ANK2: variants seen among roughly 807,000 people sequenced by gnomAD.
ANK2 encodes ankyrin 2.
ANK2 carries 83 observed loss-of-function variants against 360.5 expected under a neutral mutation model. The observed-to-expected ratio is 0.23, with a 90% CI of 0.19 to 0.28. The LOEUF is 0.28. ANK2 is among the 10% of genes least tolerant of loss of function. The pLI is 1.00. For missense variants in ANK2, 4,201 were observed against 4,795.7 expected, an observed-to-expected ratio of 0.88 and a Z score of 3.66; for synonymous variants, 1,740 against 1,759.5, an observed-to-expected ratio of 0.99 and a Z score of 0.28.
At chr4:113,278,593 G>T (rs758228330) in intron 17 of ANK2, 35 bp downstream of exon 17, 2 of 1,582,776 alleles carry the variant, frequency 1.3e-6, no homozygotes, top group East Asian at 4.5e-5. Context: ...CAGGCATAGG[G>T]TGTAACTATC....
intron 1 of ANK2, among the ~76,000 whole-genome samples, chr4:112,866,846 T>C (rs971740218): frequency 1.3e-5 from 2 of 152,158 alleles, no homozygotes; most frequent in Non-Finnish European, 2.9e-5. Flanking sequence ...CTGATAATCT[T>C]TTGTGGTGAT....
chr4:112,898,877 G>A (rs1051064844), intron 1 of ANK2, among the ~76,000 whole-genome samples: 1 of 152,148 alleles, frequency 6.6e-6, no homozygotes, highest in African/African-American at 2.4e-5. Context: ...TTTTCTCTGG[G>A]ATGTGTCAGC....
chr4:112,796,550 A>G, the ANK2 span, among the ~76,000 whole-genome samples: 42,997 of 151,644 alleles, frequency 0.28, 6,318 homozygotes, highest in East Asian at 0.35. Context: ...GGTTCTCACC[A>G]TGTTGTTCAG....
At chr4:112,911,078 C>T (rs2087085688) in intron 2 of ANK2, among the ~76,000 whole-genome samples, 1 of 151,002 alleles carries the variant, frequency 6.6e-6, no homozygotes, top group South Asian at 2.1e-4. Flanking sequence ...CTGCCTCAGC[C>T]TCCCGAGTAG....
chr4:112,756,444 C>T, the ANK2 span, among the ~76,000 whole-genome samples: 1 of 152,166 alleles, frequency 6.6e-6, no homozygotes, highest in African/African-American at 2.4e-5. Context: ...TAAGATACTG[C>T]TTTATAACCC....
In ANK2 at chr4:113,014,195, G is replaced by GA. The variant is rs1218166931; in HGVS notation, c.21+109685dup. ...TAAAATGGAAATGAAAAATAAAAGA[G>GA]AAAATATTTGAAGGTTCCCTAGGAT... On this transcript the variant is annotated intron_variant, in intron 2 of 30. Transcript: ENST00000503271. Among the ~76,000 whole-genome samples the GA allele has an allele frequency of 4.6e-5, 7 of 152,132 alleles. No individual in the cohort carries two copies. The East Asian group carries it at 1.4e-3, about 29-fold the overall frequency.
chr4:112,888,436 G>T (rs1285643308), intron 1 of ANK2, among the ~76,000 whole-genome samples: 1 of 151,980 alleles, frequency 6.6e-6, no homozygotes, highest in African/African-American at 2.4e-5. Context: ...GATATTTTTT[G>T]TATTCTGAAA....
intron 2 of ANK2, among the ~76,000 whole-genome samples, chr4:113,179,985 G>A (rs954495422): frequency 2.0e-5 from 3 of 152,172 alleles, no homozygotes; most frequent in Non-Finnish European, 4.4e-5. Context: ...CTGAATTTTG[G>A]CCTTGGCCTT....
intron 2 of ANK2, among the ~76,000 whole-genome samples, chr4:112,934,139 G>T (rs2093519093): frequency 6.6e-6 from 1 of 151,952 alleles, no homozygotes; most frequent in South Asian, 2.1e-4. Flanking sequence ...ACAGAATTGT[G>T]ACCAATTTAT....
chr4:112,714,339 T>C, the ANK2 span, among the ~76,000 whole-genome samples: 3 of 152,122 alleles, frequency 2.0e-5, no homozygotes. Flanking sequence ...CACGCCACCA[T>C]GCCTGGCTAA....
At chr4:112,907,097 G>A (rs564140291) in intron 2 of ANK2, among the ~76,000 whole-genome samples, 24 of 152,276 alleles carry the variant, frequency 1.6e-4, no homozygotes, top group Non-Finnish European at 1.3e-4. Context: ...TGCCATGACT[G>A]AAGAGAGCCT....
chr4:112,824,371 AG>A (rs1410933470), intron 1 of ANK2, among the ~76,000 whole-genome samples: 2 of 151,876 alleles, frequency 1.3e-5, no homozygotes, highest in Admixed American at 1.3e-4. Flanking sequence ...TAATTTTTTA[AG>A]TTTTATTTTT....
chr4:113,210,535 A>G (rs1338299361), intron 4 of ANK2, among the ~76,000 whole-genome samples: 3 of 152,186 alleles, frequency 2.0e-5, no homozygotes, highest in Non-Finnish European at 4.4e-5. Flanking sequence ...TAGAAGCAAG[A>G]ATCCAGAGTC....
intron 1 of ANK2, among the ~76,000 whole-genome samples, chr4:112,864,598 C>T (rs995267041): frequency 3.9e-5 from 6 of 152,002 alleles, no homozygotes; most frequent in Admixed American, 6.6e-5. Flanking sequence ...GCGTCAGCCC[C>T]GGCGCCCGGC....
intron 31 of ANK2, among the ~76,000 whole-genome samples, chr4:113,338,543 CTT>C (rs71582166): frequency 1.0e-5 from 1 of 96,108 alleles, no homozygotes; most frequent in Non-Finnish European, 1.9e-5. Flanking sequence ...AGATTGTTCA[CTT>C]TTTTTTTTTT....
chr4:113,005,856 T>G (rs1312623761), intron 2 of ANK2, among the ~76,000 whole-genome samples: 1 of 151,992 alleles, frequency 6.6e-6, no homozygotes, highest in Admixed American at 6.6e-5. Context: ...TCATGCAAGA[T>G]CTGGTTGTTT....
intron 1 of ANK2, among the ~76,000 whole-genome samples, chr4:113,155,428 A>G (rs1174639064): frequency 6.6e-6 from 1 of 152,214 alleles, no homozygotes; most frequent in Non-Finnish European, 1.5e-5. Flanking sequence ...AAAGAAAGAG[A>G]TACCTAAAAA....
At chr4:112,979,060 G>T (rs1423258975) in intron 2 of ANK2, among the ~76,000 whole-genome samples, 2 of 152,204 alleles carry the variant, frequency 1.3e-5, no homozygotes, top group Admixed American at 1.3e-4. Flanking sequence ...AAACCTCTGT[G>T]GTCATCAGCA....
intron 1 of ANK2, among the ~76,000 whole-genome samples, chr4:112,820,451 T>C (rs1181644865): frequency 6.6e-6 from 1 of 152,204 alleles, no homozygotes; most frequent in Admixed American, 6.5e-5. Flanking sequence ...TCATGCAACC[T>C]AAGGAGAGAA....
Sources: allele counts gnomAD v4.1 joint callset (sites outside exome capture counted in the v4.1 genomes callset), GRCh38; gene constraint gnomAD v4.1.1; transcripts MANE v1.5; gene names NCBI Gene and HGNC (gene_info 2026-07-23, HGNC 2026-07-21).